MARCHF1: variants seen among roughly 807,000 people sequenced by gnomAD.
MARCHF1 encodes E3 ubiquitin-protein ligase MARCHF1.
Under a neutral mutation model 54.2 loss-of-function variants are expected in MARCHF1, and 40 were observed. The observed-to-expected ratio is 0.74, with a 90% CI of 0.57 to 0.96. MARCHF1 has a LOEUF of 0.96. MARCHF1 is among the 40% of genes least tolerant of loss of function. The pLI, the probability that MARCHF1 is intolerant of heterozygous loss-of-function variation, is 0.00. For missense variants in MARCHF1, 586 were observed against 656.5 expected (o/e 0.89, Z 1.17); for synonymous variants, 236 against 236.3 (o/e 1.00, Z 0.01).
At chr4:163,902,392 T>C (rs1051302385) in intron 3 of MARCHF1, among the ~76,000 whole-genome samples, 2 of 152,214 alleles carry the variant, frequency 1.3e-5, no homozygotes, top group African/African-American at 4.8e-5. Context: ...TATCTCTGGC[T>C]CACAGAGTAT....
chr4:163,930,427 T>G lies in MARCHF1; in HGVS notation c.-39+58074A>C, dbSNP rs114043804. Among the ~76,000 whole-genome samples, 1,193 of 151,550 alleles carry G rather than the reference T, an allele frequency of 7.9e-3. 17 individuals are homozygous for G. The highest frequency in any genetic ancestry group is 9.5e-3 in the Non-Finnish European group (644 of 67,918). ...AGGCATGAGGTCCAGGTGAGGATGT[T>G]ACCTTAGGAGTTTGGAAAAAGGACT... On this transcript the variant is annotated intron_variant, in intron 3 of 9. Transcript: ENST00000514618.
chr4:164,139,301 C>G (rs1243043654), intron 1 of MARCHF1, among the ~76,000 whole-genome samples: 1 of 152,122 alleles, frequency 6.6e-6, no homozygotes, highest in Admixed American at 6.5e-5. Context: ...AATATTCCAT[C>G]TTTCAGTGCC....
At chr4:163,648,921 G>GA (rs34898097) in intron 5 of MARCHF1, among the ~76,000 whole-genome samples, 43,829 of 145,958 alleles carry the variant, frequency 0.3, 11,012 homozygotes, top group African/African-American at 0.65. Flanking sequence ...ATCTTTGGGG[G>GA]AAAAAAAAAA....
intron 4 of MARCHF1, among the ~76,000 whole-genome samples, chr4:163,847,002 C>T (rs1233597651): frequency 6.6e-6 from 1 of 151,994 alleles, no homozygotes; most frequent in Non-Finnish European, 1.5e-5. Flanking sequence ...GAATGGGATT[C>T]TAGAAGAAAA....
At chr4:164,295,546 C>T (rs1393580552) in intron 1 of MARCHF1, among the ~76,000 whole-genome samples, 1 of 152,032 alleles carries the variant, frequency 6.6e-6, no homozygotes, top group Non-Finnish European at 1.5e-5. Flanking sequence ...AATTAAATCA[C>T]AAGATTTTGT....
intron 1 of MARCHF1, among the ~76,000 whole-genome samples, chr4:164,238,813 T>G (rs1732642704): frequency 1.3e-5 from 2 of 152,032 alleles, no homozygotes; most frequent in Admixed American, 6.5e-5. Context: ...CTATGAATAT[T>G]AAAACTCTCT....
intron 4 of MARCHF1, among the ~76,000 whole-genome samples, chr4:163,810,922 A>G (rs543831619): frequency 1.3e-5 from 2 of 151,934 alleles, no homozygotes; most frequent in East Asian, 3.9e-4. Context: ...TGACTCAGAT[A>G]CTTCCGTCAA....
In MARCHF1 at chr4:163,821,983, G is replaced by A. The variant is rs1213838026; in HGVS notation, c.111+32038C>T. On this transcript the variant is annotated intron_variant, in intron 4 of 9. Transcript: ENST00000514618. ...GAAGCAGATATAAAAGGAAATTCAC[G>A]GTTTTATGAGACAGTGTAATAAGAC... Among the ~76,000 whole-genome samples, 5 of 151,726 alleles carry A rather than the reference G, an allele frequency of 3.3e-5. No individual in the cohort carries two copies. In the East Asian group the frequency reaches 5.8e-4, roughly 18 times the overall value.
At chr4:164,095,233 C>A (rs1273793446) in intron 2 of MARCHF1, among the ~76,000 whole-genome samples, 1 of 152,084 alleles carries the variant, frequency 6.6e-6, no homozygotes, top group African/African-American at 2.4e-5. Context: ...TTAGCCACCA[C>A]TCAATAGCAT....
chr4:164,124,688 A>G lies in MARCHF1; in HGVS notation c.-322-13026T>C, dbSNP rs562249469. On this transcript the variant is annotated intron_variant, in intron 1 of 9. Transcript: ENST00000514618. The stretch of plus-strand genomic sequence containing the variant: ...ATAAGCCAGGCACAAAAAGGCAAAC[A>G]TTGCATGTTCTCACTTGTTTGTGGG... Among the ~76,000 whole-genome samples the G allele has an allele frequency of 2.0e-5, 3 of 152,272 alleles. No homozygotes were observed. The East Asian group carries it at 5.8e-4, about 29-fold the overall frequency.
At chr4:163,767,788 G>A (rs541848907) in intron 4 of MARCHF1, among the ~76,000 whole-genome samples, 14 of 152,080 alleles carry the variant, frequency 9.2e-5, no homozygotes, top group Non-Finnish European at 1.5e-4. Flanking sequence ...ATTGCATTTT[G>A]TACTACTATA....
chr4:164,008,702 C>T (rs1029831659), intron 2 of MARCHF1, among the ~76,000 whole-genome samples: 1 of 152,004 alleles, frequency 6.6e-6, no homozygotes, highest in African/African-American at 2.4e-5. Flanking sequence ...TAGACAAACA[C>T]ATAAAATTTA....
intron 4 of MARCHF1, among the ~76,000 whole-genome samples, chr4:163,725,478 C>CAAA (rs60252263): frequency 1.4e-3 from 170 of 120,570 alleles, no homozygotes; most frequent in African/African-American, 4.8e-3. Context: ...ACACTATCTC[C>CAAA]AAAAAAAAAA....
At chr4:163,911,560 A>G (rs773005271) in intron 3 of MARCHF1, among the ~76,000 whole-genome samples, 20 of 152,284 alleles carry the variant, frequency 1.3e-4, no homozygotes, top group Non-Finnish European at 2.5e-4. Flanking sequence ...TTAGGAATAT[A>G]TTCTGGTACA....
At chr4:163,613,192 A>G in intron 6 of MARCHF1, 122 bp downstream of exon 6, 2 of 1,267,458 alleles carry the variant, frequency 1.6e-6, no homozygotes, top group Non-Finnish European at 2.1e-6. Context: ...AAAAATAGCC[A>G]GTATAAATTT....
intron 5 of MARCHF1, among the ~76,000 whole-genome samples, chr4:163,643,116 C>G (rs544726571): frequency 1.2e-3 from 180 of 146,792 alleles, no homozygotes; most frequent in Non-Finnish European, 2.1e-3. Context: ...CATTTGAGAC[C>G]AGCCTGGCCA....
intron 7 of MARCHF1, among the ~76,000 whole-genome samples, chr4:163,608,149 CATA>C (rs1741204620): frequency 6.6e-6 from 1 of 152,082 alleles, no homozygotes; most frequent in Non-Finnish European, 1.5e-5. Context: ...CACAGTTAAT[CATA>C]ATAATGCCTA....
At chr4:163,568,888 C>T (rs534958727) in intron 8 of MARCHF1, among the ~76,000 whole-genome samples, 1 of 152,228 alleles carries the variant, frequency 6.6e-6, no homozygotes, top group South Asian at 2.1e-4. Context: ...CACAGTTGTT[C>T]AAGGTTGCTC....
chr4:163,798,021 GT>G (rs527817571), intron 4 of MARCHF1, among the ~76,000 whole-genome samples: 114 of 152,244 alleles, frequency 7.5e-4, no homozygotes, highest in African/African-American at 2.7e-3. Context: ...CAGGATATGT[GT>G]TTGCACTTAG....
Sources: allele counts gnomAD v4.1 joint callset (sites outside exome capture counted in the v4.1 genomes callset), GRCh38; gene constraint gnomAD v4.1.1; transcripts MANE v1.5; gene names NCBI Gene and HGNC (gene_info 2026-07-23, HGNC 2026-07-21).